Variants in LCLAT1 observed in about 807,000 individuals in gnomAD.
LCLAT1 encodes lysocardiolipin acyltransferase 1.
In LCLAT1, 11 loss-of-function variants were observed where a neutral mutation model predicts 30.7. The observed-to-expected ratio is 0.36, with a 90% confidence interval of 0.23 to 0.59. The LOEUF (loss-of-function observed/expected upper bound fraction) is 0.59, where lower values mean the gene tolerates loss of function less well. Ranked by LOEUF, LCLAT1 falls within the 20% of genes least tolerant of loss-of-function variation. The probability of loss-of-function intolerance (pLI) is 0.77; values close to 1 mark genes in which losing one functional copy is unlikely to be tolerated. For missense variants in LCLAT1, 402 were observed against 458.6 expected, an observed-to-expected ratio of 0.88 and a Z score of 1.13; for synonymous variants, 155 against 151.3, an observed-to-expected ratio of 1.02 and a Z score of -0.18.
intron 1 of LCLAT1, among the ~76,000 whole-genome samples, chr2:30,496,366 C>T (rs1684117113): frequency 6.6e-6 from 1 of 152,184 alleles, no homozygotes; most frequent in African/African-American, 2.4e-5. Context: ...TACCTTTCGC[C>T]TCTGATTCTG....
At chr2:30,543,399 G>C (rs1231525592) in intron 3 of LCLAT1, among the ~76,000 whole-genome samples, 1 of 152,018 alleles carries the variant, frequency 6.6e-6, no homozygotes, top group Non-Finnish European at 1.5e-5. Context: ...TAAGGATTTT[G>C]TTCTTTTTTC....
intron 2 of LCLAT1, among the ~76,000 whole-genome samples, chr2:30,530,424 T>TG (rs2148392254): frequency 6.6e-6 from 1 of 152,350 alleles, no homozygotes; most frequent in South Asian, 2.1e-4. Context: ...CCAATTAATG[T>TG]GGACTTGAGA....
At chr2:30,491,800 G>A (rs913751700) in intron 1 of LCLAT1, among the ~76,000 whole-genome samples, 1 of 152,138 alleles carries the variant, frequency 6.6e-6, no homozygotes, top group African/African-American at 2.4e-5. Context: ...GTTATATGTA[G>A]ATGGTGTAAC....
At chr2:30,471,331 T>G (rs536590917) in intron 1 of LCLAT1, among the ~76,000 whole-genome samples, 7 of 152,124 alleles carry the variant, frequency 4.6e-5, no homozygotes, top group Admixed American at 4.6e-4. Flanking sequence ...TGCCTCAGCC[T>G]CCTGAGTAGC....
At chr2:30,502,911 A>G (rs1464282024) in intron 1 of LCLAT1, among the ~76,000 whole-genome samples, 3 of 152,228 alleles carry the variant, frequency 2.0e-5, no homozygotes, top group Non-Finnish European at 4.4e-5. Context: ...TGAGCCAGTG[A>G]CAGCAGTCAT....
At chr2:30,485,807 T>A (rs2148318314) in intron 1 of LCLAT1, among the ~76,000 whole-genome samples, 1 of 152,260 alleles carries the variant, frequency 6.6e-6, no homozygotes, top group African/African-American at 2.4e-5. Flanking sequence ...ATAGGAACAT[T>A]TGGATTAATG....
chr2:30,601,080 A>G (rs1041389260), intron 5 of LCLAT1, among the ~76,000 whole-genome samples: 5 of 152,046 alleles, frequency 3.3e-5, no homozygotes, highest in African/African-American at 1.2e-4. Context: ...CTATTCAGTT[A>G]TTGATACTTG....
At chr2:30,639,352 G>A (rs79285420) in intron 5 of LCLAT1, among the ~76,000 whole-genome samples, 19,374 of 149,108 alleles carry the variant, frequency 0.13, 1,365 homozygotes, top group South Asian at 0.23. Flanking sequence ...TTACTTGACT[G>A]TCTATCTCCA....
At chr2:30,534,781 G>A (rs1462826050) in intron 3 of LCLAT1, among the ~76,000 whole-genome samples, 1 of 152,120 alleles carries the variant, frequency 6.6e-6, no homozygotes, top group African/African-American at 2.4e-5. Flanking sequence ...GTTATTGGTG[G>A]AAGCAGTTAC....
intron 3 of LCLAT1, among the ~76,000 whole-genome samples, chr2:30,551,491 A>C (rs1238731909): frequency 6.6e-6 from 1 of 152,170 alleles, no homozygotes; most frequent in Non-Finnish European, 1.5e-5. Flanking sequence ...GAATGATGTG[A>C]GAAACTAAAA....
At chr2:30,511,267 G>A (rs1433104228) in intron 1 of LCLAT1, among the ~76,000 whole-genome samples, 2 of 151,902 alleles carry the variant, frequency 1.3e-5, no homozygotes, top group Admixed American at 6.6e-5. Flanking sequence ...TGACCGCCTC[G>A]GCCTCCCAAA....
intron 3 of LCLAT1, among the ~76,000 whole-genome samples, chr2:30,536,111 CAAAA>C (rs1016224702): frequency 6.6e-6 from 1 of 151,908 alleles, no homozygotes; most frequent in Non-Finnish European, 1.5e-5. Context: ...CCAGCTAGAT[CAAAA>C]GAAAGAATGA....
At chr2:30,474,041 T>G (rs1026210081) in intron 1 of LCLAT1, among the ~76,000 whole-genome samples, 3 of 152,192 alleles carry the variant, frequency 2.0e-5, no homozygotes, top group African/African-American at 7.2e-5. Flanking sequence ...TATAATGACT[T>G]ATGCAGCTAT....
At position 30,640,816 on chromosome 2, in the gene LCLAT1, A is replaced by C; in HGVS notation, c.*197A>C. 1 of 613,264 alleles carries C rather than the reference A, an allele frequency of 1.6e-6. No individual in the cohort carries two copies. 38.0% of individuals were successfully genotyped at this position (613,264 alleles called of 1,614,324 possible). ...TTTAATCTCTGAATGTAATTTCGAT[A>C]CTGTGTACATAGCAGGGAGTGATCG... On this transcript the variant is annotated 3_prime_UTR_variant, in exon 6 of 6. Transcript: ENST00000379509.
At chr2:30,580,211 G>A (rs533345059) in intron 5 of LCLAT1, among the ~76,000 whole-genome samples, 1 of 152,272 alleles carries the variant, frequency 6.6e-6, no homozygotes, top group South Asian at 2.1e-4. Flanking sequence ...TGTCTTTTCT[G>A]TGTATGGTTG....
chr2:30,556,073 C>T (rs1022407848), intron 3 of LCLAT1, among the ~76,000 whole-genome samples: 9 of 151,910 alleles, frequency 5.9e-5, no homozygotes, highest in African/African-American at 1.9e-4. Context: ...GGATTATAGT[C>T]GTGAGCCACC....
At chr2:30,512,284 A>G (rs1684973643) in intron 1 of LCLAT1, among the ~76,000 whole-genome samples, 1 of 152,182 alleles carries the variant, frequency 6.6e-6, no homozygotes, top group African/African-American at 2.4e-5. Context: ...TGTATAATGT[A>G]TATATAAAAG....
chr2:30,452,796 C>T (rs189344495), intron 1 of LCLAT1, among the ~76,000 whole-genome samples: 6 of 152,170 alleles, frequency 3.9e-5, no homozygotes, highest in Admixed American at 3.3e-4. Context: ...GAAAAGCTTT[C>T]GGTGTGTTTC....
chr2:30,470,248 G>T (rs1057211843), intron 1 of LCLAT1, among the ~76,000 whole-genome samples: 2 of 152,118 alleles, frequency 1.3e-5, no homozygotes, highest in Admixed American at 6.5e-5. Context: ...GTAATCTATT[G>T]GGGTAATCGG....
Sources: allele counts gnomAD v4.1 joint callset (sites outside exome capture counted in the v4.1 genomes callset), GRCh38; gene constraint gnomAD v4.1.1; transcripts MANE v1.5; gene names NCBI Gene and HGNC (gene_info 2026-07-23, HGNC 2026-07-21).